FAM20B: variants seen among roughly 807,000 people sequenced by gnomAD.
FAM20B encodes the protein glycosaminoglycan xylosylkinase.
FAM20B carries 23 observed loss-of-function variants against 43.8 expected under a neutral mutation model. The observed-to-expected ratio is 0.53, with a 90% CI of 0.38 to 0.74. FAM20B has a LOEUF of 0.74. FAM20B is among the 30% of genes least tolerant of loss of function. The pLI, the probability that FAM20B is intolerant of heterozygous loss-of-function variation, is 0.00. For synonymous variants in FAM20B, 178 were observed against 192.4 expected, an observed-to-expected ratio of 0.93 and a Z score of 0.62; for missense variants, 440 against 510.5, an observed-to-expected ratio of 0.86 and a Z score of 1.33.
intron 1 of FAM20B, among the ~76,000 whole-genome samples, chr1:179,033,912 C>T (rs1389221018): frequency 6.6e-6 from 1 of 152,186 alleles, no homozygotes; most frequent in Admixed American, 6.5e-5. Context: ...AGGCTGGTCT[C>T]AAACTCCCTA....
intron 3 of FAM20B, among the ~76,000 whole-genome samples, chr1:179,052,617 C>T (rs1189603272): frequency 6.6e-6 from 1 of 152,134 alleles, no homozygotes; most frequent in African/African-American, 2.4e-5. Flanking sequence ...GATATATATA[C>T]AACAGTCTTA....
intron 3 of FAM20B, among the ~76,000 whole-genome samples, chr1:179,054,279 C>T (rs778905328): frequency 2.6e-5 from 4 of 151,984 alleles, no homozygotes; most frequent in Non-Finnish European, 4.4e-5. Flanking sequence ...CATATACCCA[C>T]TCTGTAGATT....
At chr1:179,042,759 T>C (rs572041122) in intron 1 of FAM20B, among the ~76,000 whole-genome samples, 1 of 152,312 alleles carries the variant, frequency 6.6e-6, no homozygotes, top group South Asian at 2.1e-4. Flanking sequence ...CATGTTGTTC[T>C]GATGAGAGTC....
intron 4 of FAM20B, among the ~76,000 whole-genome samples, chr1:179,062,395 TAATCC>T (rs1651504045): frequency 1.3e-5 from 2 of 152,280 alleles, no homozygotes; most frequent in Non-Finnish European, 2.9e-5. Flanking sequence ...CTCACACCTG[TAATCC>T]CAGCACTCTG....
intron 1 of FAM20B, among the ~76,000 whole-genome samples, chr1:179,033,389 A>T (rs1016755153): frequency 1.3e-5 from 2 of 152,248 alleles, no homozygotes. Context: ...AATATAAATG[A>T]CATGTAACTT....
chr1:179,023,535 T>C (rs1412353736), upstream of FAM20B, among the ~76,000 whole-genome samples: 1 of 152,216 alleles, frequency 6.6e-6, no homozygotes, highest in Non-Finnish European at 1.5e-5. Context: ...CAGGCTTTCT[T>C]CATCTCTGCA....
chr1:179,073,209 C>T lies in FAM20B; in HGVS notation c.*1065C>T, dbSNP rs1652001580. 6.6e-6 allele frequency: 1 copy of T among 152,210 alleles called. No homozygotes were observed. Among genetic ancestry groups the T allele is most frequent in the Non-Finnish European group, 1.5e-5 (1 of 68,034 alleles). The allele number at this position is 152,210 out of a possible 1,614,324, so 9.4% of individuals were successfully genotyped here. On this transcript the variant is annotated 3_prime_UTR_variant, in exon 8 of 8. Coordinates refer to ENST00000263733, the MANE Select transcript of FAM20B (RefSeq NM_014864.4). Reference sequence around the variant, plus strand: ...TTCTCATAAGAAAGGGACACTCCTACAGGTGAGAGTGTATACCTTACTCTC... The same window carrying T: ...TTCTCATAAGAAAGGGACACTCCTATAGGTGAGAGTGTATACCTTACTCTC...
At position 179,037,358 on chromosome 1, in the gene FAM20B, C is replaced by CTT. The variant is rs11389595; in HGVS notation, c.-133-6349_-133-6348dup. On this transcript the variant is annotated intron_variant, in intron 1 of 7. Coordinates refer to ENST00000263733, the MANE Select transcript of FAM20B (RefSeq NM_014864.4). ...ACAAACATGAAAACTTGTTTAGTCT[C>CTT]TTTTTTTTTAACCTGCCCTCACTTA... 5.7e-3 allele frequency among the ~76,000 whole-genome samples: 856 copies of CTT among 150,472 alleles called. 8 individuals carry two copies. The highest frequency in any genetic ancestry group is 0.02 in the African/African-American group (811 of 40,896).
intron 1 of FAM20B, among the ~76,000 whole-genome samples, chr1:179,028,239 A>G (rs560604099): frequency 1.3e-5 from 2 of 152,212 alleles, no homozygotes; most frequent in Non-Finnish European, 2.9e-5. Context: ...TGATTGCCAC[A>G]ATCTCATAAC....
intron 3 of FAM20B, 92 bp from the exon 4 acceptor site, chr1:179,054,437 C>CA (rs541323414): frequency 1.7e-5 from 13 of 764,178 alleles, no homozygotes; most frequent in Non-Finnish European, 3.0e-5. Context: ...ACCCTTTACA[C>CA]ATTTGACATG....
intron 1 of FAM20B, among the ~76,000 whole-genome samples, chr1:179,035,035 G>C (rs145304370): frequency 5.4e-3 from 818 of 152,206 alleles, no homozygotes; most frequent in South Asian, 0.018. Flanking sequence ...TTAATCAGAG[G>C]GTGATTCAAG....
chr1:179,058,933 T>C lies in FAM20B; in HGVS notation c.574+4295T>C, dbSNP rs535983479. On this transcript the variant is annotated intron_variant, in intron 4 of 7. Coordinates refer to ENST00000263733, the MANE Select transcript of FAM20B (RefSeq NM_014864.4). ...TCTGGATTGGATGACAAATGATTAG[T>C]GGAGCTGTTAACTATTTTAGGAATG... 7.3e-4 allele frequency among the ~76,000 whole-genome samples: 111 copies of C among 152,320 alleles called. 1 individual carries two copies. The highest frequency in any genetic ancestry group is 1.2e-3 in the Non-Finnish European group (85 of 68,022).
chr1:179,058,146 G>A (rs962230639), intron 4 of FAM20B, among the ~76,000 whole-genome samples: 3 of 152,198 alleles, frequency 2.0e-5, no homozygotes, highest in Admixed American at 6.5e-5. Flanking sequence ...TTTAGATACA[G>A]TAATATGTGC....
At position 179,075,686 on chromosome 1, in the gene FAM20B, T is replaced by G. The variant is rs1296082131; in HGVS notation, c.*3542T>G. ...CAGGTACATTAATTGCATATTATTT[T>G]GGGAAAGATGAGTCCTATACGTGGC... On this transcript the variant is annotated 3_prime_UTR_variant, in exon 8 of 8. Transcript: ENST00000263733. 6.6e-6 allele frequency: 1 copy of G among 152,578 alleles called. No homozygotes were observed. Among genetic ancestry groups the G allele is most frequent in the Non-Finnish European group, 1.5e-5 (1 of 68,036 alleles). 9.5% of individuals were successfully genotyped at this position (152,578 alleles called of 1,614,324 possible). A position where few individuals can be genotyped will look rare whatever the true frequency, so the allele number is the denominator to read the frequency against.
In FAM20B at chr1:179,074,505, C is replaced by T. The variant is rs957145482; in HGVS notation, c.*2361C>T. 1.3e-5 allele frequency: 2 copies of T among 152,232 alleles called. No homozygotes were observed. Among genetic ancestry groups the T allele is most frequent in the Non-Finnish European group, 2.9e-5 (2 of 68,032 alleles). The allele number at this position is 152,232 out of a possible 1,614,324, so 9.4% of individuals were successfully genotyped here. A position where few individuals can be genotyped will look rare whatever the true frequency, so the allele number is the denominator to read the frequency against. On this transcript the variant is annotated 3_prime_UTR_variant, in exon 8 of 8. Coordinates refer to ENST00000263733, the MANE Select transcript of FAM20B (RefSeq NM_014864.4). The stretch of plus-strand genomic sequence containing the variant: ...TGCCACACTGAAATGAATAAGAAGT[C>T]TTCTGAAACTGGGAACTTCATAACA...
chr1:179,029,171 C>G (rs998553676), intron 1 of FAM20B, among the ~76,000 whole-genome samples: 4 of 152,256 alleles, frequency 2.6e-5, no homozygotes, highest in African/African-American at 9.6e-5. Context: ...ATTGACCTGA[C>G]TGCCCTTGTC....
intron 1 of FAM20B, among the ~76,000 whole-genome samples, chr1:179,031,805 T>C (rs998237254): frequency 8.5e-5 from 13 of 152,244 alleles, no homozygotes; most frequent in African/African-American, 2.9e-4. Context: ...AAAGCTGTCA[T>C]CTTTAAAACA....
chr1:179,037,739 G>A (rs921656255), intron 1 of FAM20B, among the ~76,000 whole-genome samples: 2 of 151,786 alleles, frequency 1.3e-5, no homozygotes, highest in African/African-American at 4.8e-5. Context: ...TGCCTGCCTC[G>A]GCCTCCCAAA....
At chr1:179,020,772 T>C in the FAM20B span, among the ~76,000 whole-genome samples, 1 of 152,130 alleles carries the variant, frequency 6.6e-6, no homozygotes, top group Non-Finnish European at 1.5e-5. Context: ...CATAGAGCTA[T>C]TTAAAAAGCT....
Sources: gnomAD v4.1 joint callset for allele counts (sites outside exome capture counted in the v4.1 genomes callset) on GRCh38, gnomAD v4.1.1 for gene constraint, MANE v1.5 for transcripts, NCBI Gene and HGNC (gene_info 2026-07-23, HGNC 2026-07-21) for gene names.